CNTNAP5: variants seen among roughly 807,000 people sequenced by gnomAD.
CNTNAP5 encodes the protein contactin associated protein family member 5.
CNTNAP5 carries 72 observed loss-of-function variants against 150.2 expected under a neutral mutation model. The observed-to-expected ratio is 0.48, with a 90% CI of 0.40 to 0.58. CNTNAP5 has a LOEUF of 0.58. CNTNAP5 is among the 20% of genes least tolerant of loss of function. CNTNAP5 has a pLI of 0.00. For synonymous variants in CNTNAP5, 672 were observed against 619.8 expected, an observed-to-expected ratio of 1.08 and a Z score of -1.25; for missense variants, 1,636 against 1,626.2, an observed-to-expected ratio of 1.01 and a Z score of -0.10.
At chr2:124,644,893 A>G (rs551936279) in intron 12 of CNTNAP5, among the ~76,000 whole-genome samples, 1 of 115,996 alleles carries the variant, frequency 8.6e-6, no homozygotes, top group East Asian at 2.1e-4. Context: ...ATATCATATG[A>G]TCACACACAC....
rs13029268 is a variant in CNTNAP5, at chr2:124,315,016, G to A, written c.381+72623G>A. Among the ~76,000 whole-genome samples, 1,454 of 150,022 alleles carry A rather than the reference G, an allele frequency of 9.7e-3. 13 individuals carry two copies. Among genetic ancestry groups the A allele is most frequent in the Admixed American group, 0.018 (264 of 15,076 alleles). ...TTTTTTTTTGATGGGGTGTTGCTCT[G>A]TTGCTCAGGCTAGAGTGCAGTGGTA... On this transcript the variant is annotated intron_variant, in intron 3 of 23. Transcript: ENST00000682447.
intron 1 of CNTNAP5, among the ~76,000 whole-genome samples, chr2:124,045,070 T>G (rs1214782186): frequency 6.6e-6 from 1 of 152,066 alleles, no homozygotes; most frequent in Non-Finnish European, 1.5e-5. Flanking sequence ...AAATAAAACA[T>G]GAGATTTCAA....
intron 3 of CNTNAP5, among the ~76,000 whole-genome samples, chr2:124,404,239 T>C (rs115714471): frequency 0.012 from 1,818 of 152,380 alleles, 29 homozygotes; most frequent in African/African-American, 0.041. Flanking sequence ...AGGTCACTGA[T>C]GCAGAATTTT....
intron 4 of CNTNAP5, among the ~76,000 whole-genome samples, chr2:124,433,610 T>C (rs997128944): frequency 2.0e-5 from 3 of 152,004 alleles, no homozygotes; most frequent in Admixed American, 6.6e-5. Context: ...ACATGGTATA[T>C]AATGAATCAG....
At chr2:124,396,943 C>T (rs1691264197) in intron 3 of CNTNAP5, among the ~76,000 whole-genome samples, 1 of 152,202 alleles carries the variant, frequency 6.6e-6, no homozygotes, top group South Asian at 2.1e-4. Flanking sequence ...AAAGGCCAGT[C>T]TTAGAGTCAA....
intron 19 of CNTNAP5, among the ~76,000 whole-genome samples, chr2:124,859,989 C>T (rs1002461098): frequency 6.6e-6 from 1 of 151,856 alleles, no homozygotes; most frequent in African/African-American, 2.4e-5. Flanking sequence ...AGCACACCAA[C>T]ATGGCACGTG....
chr2:124,651,851 T>C (rs555729946), intron 13 of CNTNAP5, among the ~76,000 whole-genome samples: 1 of 152,262 alleles, frequency 6.6e-6, no homozygotes, highest in South Asian at 2.1e-4. Context: ...CCTAGACTCA[T>C]CACCTTCCAT....
chr2:124,156,848 C>T (rs1401353737), intron 1 of CNTNAP5, among the ~76,000 whole-genome samples: 1 of 152,160 alleles, frequency 6.6e-6, no homozygotes, highest in Non-Finnish European at 1.5e-5. Flanking sequence ...ACTTCAGCTC[C>T]ACCAATCACC....
intron 10 of CNTNAP5, among the ~76,000 whole-genome samples, chr2:124,554,491 G>GCCCAC (rs1440593797): frequency 6.8e-6 from 1 of 147,500 alleles, no homozygotes; most frequent in East Asian, 2.0e-4. Context: ...TGAGGTCATA[G>GCCCAC]CCCACTGCAG....
chr2:124,701,720 A>G (rs1322554246), intron 13 of CNTNAP5, among the ~76,000 whole-genome samples: 2 of 152,060 alleles, frequency 1.3e-5, no homozygotes, highest in Admixed American at 1.3e-4. Flanking sequence ...TTAAATATGA[A>G]GTGATATCTC....
intron 6 of CNTNAP5, among the ~76,000 whole-genome samples, chr2:124,452,013 C>T (rs1692994166): frequency 6.6e-6 from 1 of 152,030 alleles, no homozygotes; most frequent in Non-Finnish European, 1.5e-5. Flanking sequence ...AACTTCGTAA[C>T]AATTTGAACC....
chr2:124,660,961 A>AG, intron 13 of CNTNAP5, among the ~76,000 whole-genome samples: 1 of 149,468 alleles, frequency 6.7e-6, no homozygotes, highest in East Asian at 1.9e-4. Flanking sequence ...AAAAAAAAAA[A>AG]AGAAAAAGAA....
intron 21 of CNTNAP5, among the ~76,000 whole-genome samples, chr2:124,894,852 C>G (rs1200877058): frequency 6.6e-6 from 1 of 151,326 alleles, no homozygotes; most frequent in African/African-American, 2.5e-5. Flanking sequence ...AGCACCTAGC[C>G]TTCAAGTCCC....
intron 13 of CNTNAP5, among the ~76,000 whole-genome samples, chr2:124,699,606 C>G (rs1679476891): frequency 6.6e-6 from 1 of 152,128 alleles, no homozygotes. Flanking sequence ...TTGGCTGTCC[C>G]TCACTGCTTC....
intron 13 of CNTNAP5, chr2:124,680,665 A>T (rs1324421931): frequency 6.6e-6 from 1 of 151,776 alleles, no homozygotes; most frequent in East Asian, 1.9e-4. Context: ...TGTCTCATAA[A>T]TTTTTGTTGG....
chr2:124,200,335 G>A (rs1685696459), intron 1 of CNTNAP5, among the ~76,000 whole-genome samples: 1 of 152,002 alleles, frequency 6.6e-6, no homozygotes, highest in Non-Finnish European at 1.5e-5. Flanking sequence ...AATTACTGAG[G>A]TCTCTTATTC....
intron 7 of CNTNAP5, among the ~76,000 whole-genome samples, chr2:124,482,970 G>A (rs151269535): frequency 1.3e-5 from 2 of 152,276 alleles, no homozygotes; most frequent in African/African-American, 4.8e-5. Context: ...TTTGTCACTG[G>A]TGTGGCCTCT....
chr2:124,606,842 A>G (rs1677232918), intron 11 of CNTNAP5, among the ~76,000 whole-genome samples: 1 of 152,196 alleles, frequency 6.6e-6, no homozygotes, highest in South Asian at 2.1e-4. Context: ...ACCTCGCACC[A>G]GGTTCCTCCC....
chr2:124,083,185 T>G (rs540465421), intron 1 of CNTNAP5, among the ~76,000 whole-genome samples: 96 of 152,202 alleles, frequency 6.3e-4, no homozygotes, highest in African/African-American at 2.2e-3. Context: ...CCGTCTCTAC[T>G]AAAAATACAA....
Sources: allele counts gnomAD v4.1 joint callset (sites outside exome capture counted in the v4.1 genomes callset), GRCh38; gene constraint gnomAD v4.1.1; transcripts MANE v1.5; gene names NCBI Gene and HGNC (gene_info 2026-07-23, HGNC 2026-07-21).